The following C1orf21 variants were observed in gnomAD, a reference collection of about 807,000 sequenced individuals.
C1orf21 encodes chromosome 1 open reading frame 21, also known as uncharacterized protein C1orf21.
Under a neutral mutation model 18.7 loss-of-function variants are expected in C1orf21, and 3 were observed. The ratio of observed to expected loss-of-function variants is 0.16; its 90% confidence interval spans 0.07 to 0.42. The LOEUF (loss-of-function observed/expected upper bound fraction) is 0.42. C1orf21 is among the 10% of genes least tolerant of loss of function. The probability of loss-of-function intolerance (pLI) is 0.99; values close to 1 mark genes in which losing one functional copy is unlikely to be tolerated. For synonymous variants in C1orf21, 41 were observed against 46.4 expected (o/e 0.88, Z 0.47); for missense variants, 104 against 143.6 (o/e 0.72, Z 1.41).
intron 1 of C1orf21, among the ~76,000 whole-genome samples, chr1:184,420,536 A>G (rs1428751598): frequency 6.6e-6 from 1 of 152,168 alleles, no homozygotes; most frequent in African/African-American, 2.4e-5. Flanking sequence ...ATCATTGCTA[A>G]GGTGTCTAAT....
chr1:184,420,295 G>GT (rs1263166024), intron 1 of C1orf21, among the ~76,000 whole-genome samples: 6 of 151,894 alleles, frequency 4.0e-5, no homozygotes, highest in East Asian at 1.9e-4. Context: ...AATTACTTTT[G>GT]TGGGGGGGTG....
intron 1 of C1orf21, among the ~76,000 whole-genome samples, chr1:184,449,563 C>G (rs1657089738): frequency 6.6e-6 from 1 of 151,934 alleles, no homozygotes. Context: ...GGGTATATAC[C>G]CAGTAATGGG....
At chr1:184,493,244 C>T (rs904682540) in intron 2 of C1orf21, among the ~76,000 whole-genome samples, 2 of 152,058 alleles carry the variant, frequency 1.3e-5, no homozygotes, top group African/African-American at 2.4e-5. Flanking sequence ...GGACACAGGC[C>T]GTGAGGAATA....
intron 1 of C1orf21, among the ~76,000 whole-genome samples, chr1:184,470,265 G>A (rs796949078): frequency 3.9e-5 from 6 of 152,172 alleles, no homozygotes; most frequent in African/African-American, 9.6e-5. Flanking sequence ...GATTAGAAGT[G>A]TTGTCCACCT....
chr1:184,598,035 TA>T (rs959046357), intron 4 of C1orf21, among the ~76,000 whole-genome samples: 4 of 152,210 alleles, frequency 2.6e-5, no homozygotes, highest in African/African-American at 9.6e-5. Flanking sequence ...TTTTCTTTTT[TA>T]TTTTTTTCAA....
rs556606009 is a variant in C1orf21, at chr1:184,442,601, C to T, written c.-124-34785C>T. 6.6e-5 allele frequency among the ~76,000 whole-genome samples: 10 copies of T among 152,210 alleles called. No individual in the cohort carries two copies. The East Asian group carries it at 1.7e-3, about 26-fold the overall frequency. ...ACATTAGTTTCCCCATGGCATGTAT[C>T]AGTTTGGCTCCAATCTTATGATCTG... On this transcript the variant is annotated intron_variant, in intron 1 of 5. Coordinates refer to ENST00000235307, the MANE Select transcript of C1orf21 (RefSeq NM_030806.4).
chr1:184,552,114 A>G (rs902466551), intron 3 of C1orf21, among the ~76,000 whole-genome samples: 4 of 152,198 alleles, frequency 2.6e-5, no homozygotes, highest in Non-Finnish European at 5.9e-5. Context: ...CTGCCCAGGA[A>G]TACTGTTGCA....
chr1:184,393,831 CT>C (rs199939881), intron 1 of C1orf21, among the ~76,000 whole-genome samples: 5 of 151,598 alleles, frequency 3.3e-5, no homozygotes, highest in East Asian at 1.9e-4. Context: ...TCTTCATTAC[CT>C]TTTTTTTTCT....
intron 1 of C1orf21, among the ~76,000 whole-genome samples, chr1:184,406,623 GC>G (rs1366285014): frequency 2.0e-5 from 3 of 152,128 alleles, no homozygotes; most frequent in Admixed American, 6.5e-5. Context: ...CCTTTAAAGG[GC>G]TATTCAGGAA....
intron 5 of C1orf21, among the ~76,000 whole-genome samples, chr1:184,614,282 C>T (rs918753072): frequency 1.3e-5 from 2 of 152,202 alleles, no homozygotes; most frequent in African/African-American, 4.8e-5. Context: ...CACAACTCTG[C>T]AAGTTAGGTT....
intron 1 of C1orf21, among the ~76,000 whole-genome samples, chr1:184,445,244 C>A (rs1308261094): frequency 2.0e-5 from 3 of 152,166 alleles, no homozygotes; most frequent in African/African-American, 7.2e-5. Flanking sequence ...AAAGTCACCT[C>A]ACAGATGTGT....
intron 1 of C1orf21, among the ~76,000 whole-genome samples, chr1:184,473,185 T>C (rs889556692): frequency 1.3e-5 from 2 of 152,212 alleles, no homozygotes; most frequent in African/African-American, 4.8e-5. Flanking sequence ...TAAAGAAAAG[T>C]CATCCTCAGT....
intron 3 of C1orf21, 105 bp downstream of exon 3, chr1:184,507,787 T>A: frequency 1.1e-6 from 1 of 872,768 alleles, no homozygotes; most frequent in Non-Finnish European, 1.7e-6. Flanking sequence ...ACAAGATTTC[T>A]TGAAAATGCT....
In C1orf21 at chr1:184,466,579, G is replaced by T. The variant is rs546811064; in HGVS notation, c.-124-10807G>T. On this transcript the variant is annotated intron_variant, in intron 1 of 5. Coordinates refer to ENST00000235307, the MANE Select transcript of C1orf21 (RefSeq NM_030806.4). Reference sequence around the variant, plus strand: ...GGTGCCTTTTTCTTAAATGTGGTAGGTTAAAGGGGCATTGATTTGTGCTAC... The same window carrying T: ...GGTGCCTTTTTCTTAAATGTGGTAGTTTAAAGGGGCATTGATTTGTGCTAC... Among the ~76,000 whole-genome samples, 4 of 152,328 alleles carry T rather than the reference G, an allele frequency of 2.6e-5. No homozygotes were observed. In the East Asian group the frequency reaches 5.8e-4, roughly 22 times the overall value.
intron 5 of C1orf21, among the ~76,000 whole-genome samples, chr1:184,613,721 G>A (rs1258286715): frequency 2.6e-5 from 4 of 152,066 alleles, no homozygotes; most frequent in Non-Finnish European, 4.4e-5. Context: ...TGGGCCACAC[G>A]AGGACTCCAT....
chr1:184,497,671 A>G (rs1339826597), intron 2 of C1orf21, among the ~76,000 whole-genome samples: 2 of 152,196 alleles, frequency 1.3e-5, no homozygotes, highest in African/African-American at 4.8e-5. Flanking sequence ...CTCATACAAG[A>G]GAATTACTTG....
chr1:184,526,766 G>A (rs1276557922), intron 3 of C1orf21, among the ~76,000 whole-genome samples: 1 of 152,100 alleles, frequency 6.6e-6, no homozygotes, highest in East Asian at 1.9e-4. Context: ...AAGGAAGGGA[G>A]AACCGAGGGA....
intron 3 of C1orf21, 116 bp downstream of exon 3, chr1:184,507,798 G>T (rs1658086273): frequency 1.2e-6 from 1 of 811,512 alleles, no homozygotes; most frequent in Non-Finnish European, 1.9e-6. Context: ...TGAAAATGCT[G>T]CAGCTATTTA....
In C1orf21 at chr1:184,477,546, C is replaced by G. The variant is rs1243835313; in HGVS notation, c.37C>G (p.Gln13Glu). ...CTCCGCCAAGCATGTTGCCACTGTT[C>G]AAAATGAAGAGGAAGCCCAGAAAGG... Reference protein sequence around the residue: ...CASAKHVATVQNEEEAQKGKN... With the variant: ...CASAKHVATVENEEEAQKGKN... The change falls in exon 2 of 6, where the codon CAA becomes GAA. Residue 13 changes from glutamine (Q) to glutamate (E), a missense_variant. By Grantham distance (29) the Gln-to-Glu change is conservative. Transcript: ENST00000235307. 6.2e-7 allele frequency: 1 copy of G among 1,613,956 alleles called. No individual in the cohort carries two copies. The highest frequency in any genetic ancestry group is 1.1e-5 in the South Asian group (1 of 91,066).
Sources: gnomAD v4.1 joint callset for allele counts (sites outside exome capture counted in the v4.1 genomes callset) on GRCh38, gnomAD v4.1.1 for gene constraint, MANE v1.5 for transcripts, NCBI Gene and HGNC (gene_info 2026-07-23, HGNC 2026-07-21) for gene names.